The following CDH13 variants were observed in gnomAD, a reference collection of about 807,000 sequenced individuals.
CDH13 encodes cadherin-13.
CDH13 carries 24 observed loss-of-function variants against 63.8 expected under a neutral mutation model. The ratio of observed to expected loss-of-function variants is 0.38; its 90% CI spans 0.27 to 0.53. The LOEUF (loss-of-function observed/expected upper bound fraction) is 0.53. Ranked by LOEUF, CDH13 falls within the 20% of genes least tolerant of loss-of-function variation. CDH13 has a pLI of 0.85. For synonymous variants in CDH13, 503 were observed against 355.3 expected, an observed-to-expected ratio of 1.42 and a Z score of -4.67; for missense variants, 1,049 against 903.1, an observed-to-expected ratio of 1.16 and a Z score of -2.07.
intron 6 of CDH13, among the ~76,000 whole-genome samples, chr16:83,401,128 G>A (rs1205730674): frequency 6.6e-6 from 1 of 152,080 alleles, no homozygotes; most frequent in Non-Finnish European, 1.5e-5. Context: ...ATCACCTGAG[G>A]TCAGGAGTTC....
chr16:83,691,102 G>A (rs1016107560), intron 10 of CDH13, among the ~76,000 whole-genome samples: 1 of 150,970 alleles, frequency 6.6e-6, no homozygotes, highest in African/African-American at 2.4e-5. Context: ...GTGTGTGTGT[G>A]TGTGTGTGTG....
intron 2 of CDH13, among the ~76,000 whole-genome samples, chr16:82,887,538 A>G (rs914107865): frequency 1.3e-5 from 2 of 152,124 alleles, no homozygotes; most frequent in African/African-American, 2.4e-5. Context: ...GGATTAAAAG[A>G]AAGGAGGGCC....
chr16:83,648,320 C>G (rs1912032393), intron 8 of CDH13, among the ~76,000 whole-genome samples: 1 of 152,156 alleles, frequency 6.6e-6, no homozygotes, highest in Non-Finnish European at 1.5e-5. Context: ...TCCATATGGA[C>G]TGTTTTGGAG....
intron 1 of CDH13, among the ~76,000 whole-genome samples, chr16:82,659,209 G>A (rs946034538): frequency 1.3e-5 from 2 of 152,206 alleles, no homozygotes; most frequent in Non-Finnish European, 2.9e-5. Flanking sequence ...CTTCTCTATT[G>A]GAACCTAGTC....
chr16:83,229,295 A>G (rs1010827295), intron 5 of CDH13, among the ~76,000 whole-genome samples: 1 of 152,200 alleles, frequency 6.6e-6, no homozygotes, highest in Non-Finnish European at 1.5e-5. Context: ...GGGAAAAGAG[A>G]TCAAAGAGAA....
intron 8 of CDH13, among the ~76,000 whole-genome samples, chr16:83,624,991 C>T (rs1390347570): frequency 1.3e-5 from 2 of 152,122 alleles, no homozygotes; most frequent in Middle Eastern, 3.2e-3. Flanking sequence ...TGCATGTGTG[C>T]GGTGATATCG....
At chr16:82,806,744 C>G (rs982598193) in intron 1 of CDH13, among the ~76,000 whole-genome samples, 10 of 152,090 alleles carry the variant, frequency 6.6e-5, no homozygotes. Flanking sequence ...TGTATTTGAA[C>G]TCACATGAAA....
chr16:83,476,758 T>C (rs1250899485), intron 6 of CDH13, among the ~76,000 whole-genome samples: 1 of 152,108 alleles, frequency 6.6e-6, no homozygotes, highest in East Asian at 1.9e-4. Flanking sequence ...TATGGAAAAA[T>C]ATATTGGAGA....
chr16:83,325,033 CCCT>C, intron 5 of CDH13, among the ~76,000 whole-genome samples: 1 of 152,238 alleles, frequency 6.6e-6, no homozygotes, highest in Non-Finnish European at 1.5e-5. Flanking sequence ...AAGGCTGTCT[CCCT>C]CCTCTTCCCC....
Position 83,730,820 on chromosome 16 carries a change from C to T in CDH13, c.1539-17288C>T, listed in dbSNP as rs191941561. Among the ~76,000 whole-genome samples, 63 of 152,252 alleles carry T rather than the reference C, an allele frequency of 4.1e-4. 1 individual carries two copies. Among genetic ancestry groups the T allele is most frequent in the Admixed American group, 3.5e-3 (54 of 15,284 alleles). On this transcript the variant is annotated intron_variant, in intron 10 of 13. Transcript: ENST00000567109. ...TCAACCCTTACACCCCTTCCATGCT[C>T]CCCCTTCTAGTAGTCCCCAATGTCT...
At chr16:82,765,028 C>G (rs940310387) in intron 1 of CDH13, among the ~76,000 whole-genome samples, 6 of 152,120 alleles carry the variant, frequency 3.9e-5, no homozygotes, top group Non-Finnish European at 2.9e-5. Context: ...GTTGGCCAGG[C>G]AGGTCTCAAA....
At chr16:83,182,033 C>A (rs2038364564) in intron 4 of CDH13, among the ~76,000 whole-genome samples, 1 of 152,144 alleles carries the variant, frequency 6.6e-6, no homozygotes, top group African/African-American at 2.4e-5. Context: ...TATTGTGGGA[C>A]TACTTGGGAA....
intron 3 of CDH13, among the ~76,000 whole-genome samples, chr16:83,053,237 G>T (rs907270791): frequency 3.9e-5 from 6 of 152,146 alleles, no homozygotes; most frequent in Non-Finnish European, 8.8e-5. Flanking sequence ...GGGATGGAGA[G>T]TTCTGGCTTT....
chr16:83,423,524 A>G (rs2071782127), intron 6 of CDH13, among the ~76,000 whole-genome samples: 1 of 152,074 alleles, frequency 6.6e-6, no homozygotes, highest in Non-Finnish European at 1.5e-5. Flanking sequence ...AAAAACCTCA[A>G]ATGGGTAGAA....
At chr16:82,909,123 C>G (rs1448756171) in intron 2 of CDH13, among the ~76,000 whole-genome samples, 1 of 151,960 alleles carries the variant, frequency 6.6e-6, no homozygotes, top group South Asian at 2.1e-4. Context: ...AATAGTTGTA[C>G]TGTATTTTAA....
rs147573495 is a variant in CDH13 at position 83,772,173 on chromosome 16, G to T, written c.1682-7795G>T. ...AATATTAAGAAAAGAAGTAGTATAAGACTGAAAGACATGCTTAAGAGAAAG... is the reference window on the plus strand; with the variant it reads ...AATATTAAGAAAAGAAGTAGTATAATACTGAAAGACATGCTTAAGAGAAAG... On this transcript the variant is annotated intron_variant, in intron 11 of 13. Coordinates refer to ENST00000567109, the MANE Select transcript of CDH13 (RefSeq NM_001257.5). 8.0e-3 allele frequency among the ~76,000 whole-genome samples: 1,219 copies of T among 152,228 alleles called. 9 individuals carry two copies. The highest frequency in any genetic ancestry group is 0.011 in the Non-Finnish European group (778 of 68,012).
chr16:83,509,369 C>T (rs2074501052), intron 7 of CDH13, among the ~76,000 whole-genome samples: 1 of 152,186 alleles, frequency 6.6e-6, no homozygotes, highest in South Asian at 2.1e-4. Context: ...GCAGATTTTA[C>T]TCTCTGTAAA....
chr16:83,417,924 C>T (rs57383050), intron 6 of CDH13, among the ~76,000 whole-genome samples: 5,961 of 152,104 alleles, frequency 0.039, 117 homozygotes, highest in South Asian at 0.084. Flanking sequence ...CTGTTTTCCC[C>T]TCCCCAGCCT....
At position 82,639,363 on chromosome 16, in the gene CDH13, C is replaced by G. The variant is rs1460773497; in HGVS notation, c.45+12226C>G. ...CCATGTCCTTGCTTTTGACCAGGGC[C>G]AAACAACCCACCTGCACTGCATGGT... On this transcript the variant is annotated intron_variant, in intron 1 of 13. Transcript: ENST00000567109. 5 of 1,534,926 alleles carry G rather than the reference C, an allele frequency of 3.3e-6. No individual in the cohort carries two copies. The South Asian group carries it at 4.8e-5, about 15-fold the overall frequency.
Sources: allele counts gnomAD v4.1 joint callset (sites outside exome capture counted in the v4.1 genomes callset), GRCh38; gene constraint gnomAD v4.1.1; transcripts MANE v1.5; gene names NCBI Gene and HGNC (gene_info 2026-07-23, HGNC 2026-07-21).